Variants in RBFOX1 observed in about 807,000 individuals in gnomAD.
The protein encoded by RBFOX1 is RNA binding protein fox-1 homolog 1.
A neutral mutation model predicts 57.7 loss-of-function variants in RBFOX1; 8 were observed. The ratio of observed to expected loss-of-function variants is 0.14; its 90% CI spans 0.08 to 0.25. RBFOX1 has a LOEUF of 0.25. Among genes scored for constraint, RBFOX1 ranks in the 10% least tolerant of loss-of-function variants. The pLI is 1.00. For missense variants in RBFOX1, 611 were observed against 548.5 expected (o/e 1.11, Z -1.14); for synonymous variants, 326 against 222.4 (o/e 1.47, Z -4.15).
chr16:7,439,515 G>A (rs902758058), intron 4 of RBFOX1, among the ~76,000 whole-genome samples: 3 of 152,084 alleles, frequency 2.0e-5, no homozygotes, highest in African/African-American at 4.8e-5. Context: ...CCCATCTCCA[G>A]GCCTTGTAAG....
At chr16:7,043,187 C>T (rs1442076242) in intron 3 of RBFOX1, among the ~76,000 whole-genome samples, 1 of 152,150 alleles carries the variant, frequency 6.6e-6, no homozygotes, top group Non-Finnish European at 1.5e-5. Flanking sequence ...AAACAACTGA[C>T]TGATGTCTCC....
chr16:5,295,587 C>G (rs1382635900), intron 1 of RBFOX1, among the ~76,000 whole-genome samples: 2 of 152,178 alleles, frequency 1.3e-5, no homozygotes, highest in East Asian at 1.9e-4. Flanking sequence ...ACTCAGGGCC[C>G]CGGTTTCTTG....
chr16:6,661,647 G>C (rs2098702257), intron 3 of RBFOX1, among the ~76,000 whole-genome samples: 1 of 152,178 alleles, frequency 6.6e-6, no homozygotes, highest in African/African-American at 2.4e-5. Context: ...GAAAGACCCA[G>C]AGACTGGCCC....
In RBFOX1 at chr16:6,938,451, C is replaced by G. The variant is rs368959636; in HGVS notation, c.-15-113606C>G. On this transcript the variant is annotated intron_variant, in intron 3 of 15. Coordinates refer to ENST00000550418, the MANE Select transcript of RBFOX1 (RefSeq NM_018723.4). ...TGTTGCTGTTGTTATTTTTGTTGTT[C>G]TTGCCATCACTTTTCTTGTCTGAGA... is the stretch of plus-strand genomic sequence containing the variant. Among the ~76,000 whole-genome samples the G allele has an allele frequency of 2.0e-4, 30 of 152,230 alleles. 1 individual carries two copies. The East Asian group carries it at 5.8e-3, about 29-fold the overall frequency.
In RBFOX1 at chr16:6,402,982, T is replaced by G. The variant is rs543282405; in HGVS notation, c.-64+85925T>G. On this transcript the variant is annotated intron_variant, in intron 2 of 15. Coordinates refer to ENST00000550418, the MANE Select transcript of RBFOX1 (RefSeq NM_018723.4). ...CATTTTAAAACCTTCAACCCTTGGC[T>G]TCTCAGTTTTTTCTGTTTATTGTTT... 9.8e-5 allele frequency among the ~76,000 whole-genome samples: 15 copies of G among 152,346 alleles called. No homozygotes were observed. The East Asian group carries it at 1.7e-3, about 18-fold the overall frequency.
intron 1 of RBFOX1, among the ~76,000 whole-genome samples, chr16:5,371,883 C>T (rs567202128): frequency 2.0e-5 from 3 of 152,296 alleles, no homozygotes; most frequent in East Asian, 1.9e-4. Flanking sequence ...GCAATGCCCT[C>T]CCGAGTCAAC....
intron 1 of RBFOX1, among the ~76,000 whole-genome samples, chr16:5,372,913 T>G (rs1421218093): frequency 6.6e-6 from 1 of 152,252 alleles, no homozygotes; most frequent in East Asian, 1.9e-4. Context: ...TCAGCTTCTC[T>G]TGGTCTTCTG....
intron 4 of RBFOX1, among the ~76,000 whole-genome samples, chr16:5,925,670 T>G (rs59360464): frequency 0.11 from 15,954 of 150,358 alleles, 1,435 homozygotes; most frequent in African/African-American, 0.24. Context: ...ACCACAAATA[T>G]ACATATTATA....
At chr16:5,297,578 T>C (rs1021275739) in intron 1 of RBFOX1, among the ~76,000 whole-genome samples, 2 of 152,228 alleles carry the variant, frequency 1.3e-5, no homozygotes, top group African/African-American at 4.8e-5. Flanking sequence ...TGCTCATTTT[T>C]TGAGTTGTTT....
intron 3 of RBFOX1, among the ~76,000 whole-genome samples, chr16:5,864,346 T>A (rs1471824240): frequency 6.6e-6 from 1 of 152,230 alleles, no homozygotes; most frequent in Non-Finnish European, 1.5e-5. Flanking sequence ...GTGGATACAT[T>A]ATCAATGTAA....
chr16:7,104,433 G>C (rs910807694), intron 4 of RBFOX1, among the ~76,000 whole-genome samples: 3 of 152,110 alleles, frequency 2.0e-5, no homozygotes, highest in African/African-American at 7.2e-5. Context: ...TTGTCATCCT[G>C]AGATGGAGGG....
chr16:5,371,717 G>T (rs1052213920), intron 1 of RBFOX1, among the ~76,000 whole-genome samples: 3 of 152,202 alleles, frequency 2.0e-5, no homozygotes, highest in Non-Finnish European at 4.4e-5. Flanking sequence ...AAGCCCTGCT[G>T]GCCATGTGGT....
At chr16:7,029,989 C>G (rs758002561) in intron 3 of RBFOX1, among the ~76,000 whole-genome samples, 1 of 152,176 alleles carries the variant, frequency 6.6e-6, no homozygotes, top group Admixed American at 6.5e-5. Context: ...CAAGGACACA[C>G]TTTTCGGTCA....
intron 2 of RBFOX1, among the ~76,000 whole-genome samples, chr16:6,478,440 TTTTTTTTG>T: frequency 8.5e-6 from 1 of 117,960 alleles, no homozygotes; most frequent in African/African-American, 3.5e-5. Flanking sequence ...TTTTTTTTTT[TTTTTTTTG>T]TATTTTTAGT....
intron 1 of RBFOX1, among the ~76,000 whole-genome samples, chr16:5,459,715 A>G (rs981444901): frequency 1.3e-5 from 2 of 152,094 alleles, no homozygotes; most frequent in African/African-American, 4.8e-5. Context: ...CTCACAGCAC[A>G]CATACACACA....
chr16:6,020,667 G>A (rs889090998), intron 1 of RBFOX1, among the ~76,000 whole-genome samples: 4 of 151,996 alleles, frequency 2.6e-5, no homozygotes, highest in African/African-American at 9.7e-5. Context: ...CACAGGGGTA[G>A]CAGATCTTAG....
intron 4 of RBFOX1, among the ~76,000 whole-genome samples, chr16:7,130,374 GTGTT>G (rs2069946627): frequency 6.6e-6 from 1 of 152,152 alleles, no homozygotes; most frequent in Admixed American, 6.6e-5. Flanking sequence ...AATGGGTTAA[GTGTT>G]TGTCCATTGT....
intron 3 of RBFOX1, among the ~76,000 whole-genome samples, chr16:6,801,819 CCTT>C (rs2085534560): frequency 6.6e-6 from 1 of 152,080 alleles, no homozygotes; most frequent in Non-Finnish European, 1.5e-5. Context: ...AGATTATATA[CCTT>C]CTAAGTTGTA....
At chr16:6,642,668 CAAAG>C (rs5815337) in intron 2 of RBFOX1, among the ~76,000 whole-genome samples, 85,246 of 151,562 alleles carry the variant, frequency 0.56, 25,369 homozygotes, top group South Asian at 0.81. Context: ...GTAGGGGACT[CAAAG>C]AAAGAAGTCA....
Sources: allele counts gnomAD v4.1 joint callset (sites outside exome capture counted in the v4.1 genomes callset), GRCh38; gene constraint gnomAD v4.1.1; transcripts MANE v1.5; gene names NCBI Gene and HGNC (gene_info 2026-07-23, HGNC 2026-07-21).